Variants in DLGAP2 observed in about 807,000 individuals in gnomAD.
DLGAP2 encodes DLG associated protein 2, also known as disks large-associated protein 2.
In DLGAP2, 26 loss-of-function variants were observed where a neutral mutation model predicts 100.3. The ratio of observed to expected loss-of-function variants is 0.26; its 90% confidence interval spans 0.19 to 0.36. The LOEUF (loss-of-function observed/expected upper bound fraction) is 0.36. Ranked by LOEUF, DLGAP2 falls within the 10% of genes least tolerant of loss-of-function variation. DLGAP2 has a pLI of 1.00. For missense variants in DLGAP2, 1,858 were observed against 1,453.2 expected, an observed-to-expected ratio of 1.28 and a Z score of -4.53; for synonymous variants, 886 against 630.1, an observed-to-expected ratio of 1.41 and a Z score of -6.08.
At chr8:1,479,215 G>C (rs1306234879) in intron 3 of DLGAP2, among the ~76,000 whole-genome samples, 1 of 152,232 alleles carries the variant, frequency 6.6e-6, no homozygotes, top group Non-Finnish European at 1.5e-5. Flanking sequence ...CTAACACGAT[G>C]CTCCTTTTCA....
intron 1 of DLGAP2, among the ~76,000 whole-genome samples, chr8:880,920 T>C (rs139775866): frequency 2.0e-4 from 30 of 152,368 alleles, no homozygotes; most frequent in African/African-American, 7.0e-4. Flanking sequence ...ACTCTGTTAA[T>C]TTATAACTAG....
intron 2 of DLGAP2, among the ~76,000 whole-genome samples, chr8:994,565 T>C (rs903978340): frequency 1.3e-5 from 2 of 152,166 alleles, no homozygotes; most frequent in Admixed American, 1.3e-4. Context: ...AGAACAGTGC[T>C]CTTAACTTGT....
At chr8:1,462,504 C>G (rs1264766293) in intron 3 of DLGAP2, among the ~76,000 whole-genome samples, 55 of 35,616 alleles carry the variant, frequency 1.5e-3, no homozygotes, top group East Asian at 9.4e-3. Context: ...GCTGCTGTCA[C>G]GTGGGCTGGG....
chr8:1,543,565 C>G (rs889989830), intron 4 of DLGAP2, among the ~76,000 whole-genome samples: 2 of 152,098 alleles, frequency 1.3e-5, no homozygotes, highest in African/African-American at 2.4e-5. Flanking sequence ...GGGGCCCCAC[C>G]CTTTTGATTA....
chr8:1,156,254 C>G (rs927182378), intron 2 of DLGAP2, among the ~76,000 whole-genome samples: 2 of 152,160 alleles, frequency 1.3e-5, no homozygotes, highest in Non-Finnish European at 2.9e-5. Flanking sequence ...CCGGGTAGGT[C>G]TCCTCCTCCT....
intron 6 of DLGAP2, among the ~76,000 whole-genome samples, chr8:1,609,830 G>A (rs371603762): frequency 0.019 from 2,727 of 146,206 alleles, 34 homozygotes; most frequent in Middle Eastern, 0.031. Context: ...TTCAACAAGA[G>A]GAGCTAACTA....
intron 5 of DLGAP2, among the ~76,000 whole-genome samples, chr8:1,555,060 A>C (rs1801913437): frequency 6.6e-6 from 1 of 152,142 alleles, no homozygotes; most frequent in South Asian, 2.1e-4. Flanking sequence ...CTTTTGTTTT[A>C]AGTGGCTCAT....
intron 2 of DLGAP2, among the ~76,000 whole-genome samples, chr8:1,136,786 G>A (rs1003982542): frequency 1.3e-5 from 2 of 152,228 alleles, no homozygotes; most frequent in African/African-American, 4.8e-5. Flanking sequence ...CGTGTTGGTG[G>A]TGCAGGTGCG....
chr8:1,595,227 G>C (rs949462505), intron 6 of DLGAP2, among the ~76,000 whole-genome samples: 1 of 151,980 alleles, frequency 6.6e-6, no homozygotes. Context: ...TTTTAGGAGA[G>C]ACAGGGTTTT....
rs549889590 is a variant in DLGAP2, at chr8:1,362,530, T to C, written c.106+103647T>C. Among the ~76,000 whole-genome samples the C allele has an allele frequency of 2.4e-3, 364 of 152,216 alleles. 1 individual carries two copies. Among genetic ancestry groups the C allele is most frequent in the Non-Finnish European group, 4.1e-3 (279 of 68,004 alleles). On this transcript the variant is annotated intron_variant, in intron 3 of 14. Transcript: ENST00000637795. Reference sequence around the variant, plus strand: ...TTACACTGTGTGGTCCCCGTGAGCCTTGGCTTCCACACTAACCATGGTCTA... The same window carrying C: ...TTACACTGTGTGGTCCCCGTGAGCCCTGGCTTCCACACTAACCATGGTCTA...
At chr8:785,981 G>T (rs909651532) in intron 1 of DLGAP2, among the ~76,000 whole-genome samples, 1 of 152,232 alleles carries the variant, frequency 6.6e-6, no homozygotes, top group Non-Finnish European at 1.5e-5. Flanking sequence ...GTACCCCGTG[G>T]AGGTGTGATG....
intron 2 of DLGAP2, among the ~76,000 whole-genome samples, chr8:1,064,462 T>C (rs1472012389): frequency 6.6e-6 from 1 of 152,230 alleles, no homozygotes; most frequent in Non-Finnish European, 1.5e-5. Flanking sequence ...ATTAATAACT[T>C]CAAACCAAAT....
chr8:1,670,585 G>T (rs1231648979), intron 10 of DLGAP2, among the ~76,000 whole-genome samples: 1 of 152,230 alleles, frequency 6.6e-6, no homozygotes, highest in African/African-American at 2.4e-5. Flanking sequence ...AGTAAATGTT[G>T]GGTAAGCGAG....
chr8:927,518 C>T (rs993614788), intron 2 of DLGAP2, among the ~76,000 whole-genome samples: 15 of 152,156 alleles, frequency 9.9e-5, no homozygotes, highest in Non-Finnish European at 1.9e-4. Context: ...AAGTCCTCCG[C>T]GTGTGTCCCT....
intron 2 of DLGAP2, among the ~76,000 whole-genome samples, chr8:983,947 C>T (rs1800414951): frequency 6.6e-6 from 1 of 152,122 alleles, no homozygotes; most frequent in Non-Finnish European, 1.5e-5. Context: ...ACTGAGGTAA[C>T]ATTGCTAATG....
chr8:1,310,058 CAAAAAAAAAA>C (rs3052029), intron 3 of DLGAP2, among the ~76,000 whole-genome samples: 1 of 105,692 alleles, frequency 9.5e-6, no homozygotes, highest in East Asian at 3.7e-4. Flanking sequence ...GTCTCCATCT[CAAAAAAAAAA>C]AAAAAAAAAG....
chr8:982,118 C>G (rs62486457), intron 2 of DLGAP2, among the ~76,000 whole-genome samples: 3,067 of 152,336 alleles, frequency 0.02, 43 homozygotes, highest in Middle Eastern at 0.037. Context: ...CCCAAGGGGC[C>G]TGGCTCTGGT....
At chr8:1,532,792 C>T (rs536573830) in intron 4 of DLGAP2, among the ~76,000 whole-genome samples, 38 of 152,180 alleles carry the variant, frequency 2.5e-4, no homozygotes, top group South Asian at 6.2e-4. Flanking sequence ...TTAGGAGGTT[C>T]GGTTATAGTC....
intron 2 of DLGAP2, among the ~76,000 whole-genome samples, chr8:1,180,290 C>A (rs1413661370): frequency 2.0e-5 from 3 of 152,200 alleles, no homozygotes; most frequent in African/African-American, 4.8e-5. Flanking sequence ...ACGTGGAACT[C>A]TTCCACACTG....
Sources: allele counts gnomAD v4.1 joint callset (sites outside exome capture counted in the v4.1 genomes callset), GRCh38; gene constraint gnomAD v4.1.1; transcripts MANE v1.5; gene names NCBI Gene and HGNC (gene_info 2026-07-23, HGNC 2026-07-21).